Variants in GABRG3 observed in about 807,000 individuals in gnomAD.
GABRG3 encodes the protein gamma-aminobutyric acid type A receptor subunit gamma3, also known as gamma-aminobutyric acid receptor subunit gamma-3.
Under a neutral mutation model 48.8 loss-of-function variants are expected in GABRG3, and 25 were observed. That is an observed-to-expected ratio of 0.51 (90% confidence interval 0.37 to 0.72). The LOEUF (loss-of-function observed/expected upper bound fraction) is 0.72, where lower values mean the gene tolerates loss of function less well. GABRG3 is among the 30% of genes least tolerant of loss of function. The probability of loss-of-function intolerance (pLI) is 0.00; values close to 1 mark genes in which losing one functional copy is unlikely to be tolerated. For missense variants in GABRG3, 394 were observed against 577.9 expected, an observed-to-expected ratio of 0.68 and a Z score of 3.26; for synonymous variants, 227 against 217.6, an observed-to-expected ratio of 1.04 and a Z score of -0.38.
At chr15:27,153,942 A>T (rs1466359565) in intron 3 of GABRG3, among the ~76,000 whole-genome samples, 1 of 152,180 alleles carries the variant, frequency 6.6e-6, no homozygotes, top group Non-Finnish European at 1.5e-5. Context: ...TGTAAATTTT[A>T]GATGAAAGGA....
intron 5 of GABRG3, among the ~76,000 whole-genome samples, chr15:27,330,466 T>G (rs1893767062): frequency 6.6e-6 from 1 of 152,242 alleles, no homozygotes; most frequent in African/African-American, 2.4e-5. Flanking sequence ...AGCAGAGCTC[T>G]GCACACCATG....
At chr15:27,339,646 C>G (rs150387145) in intron 5 of GABRG3, among the ~76,000 whole-genome samples, 3 of 152,294 alleles carry the variant, frequency 2.0e-5, no homozygotes, top group Admixed American at 6.5e-5. Context: ...AACTGACCTC[C>G]TTACTTTGGT....
chr15:27,338,358 G>C (rs555009569), intron 5 of GABRG3, among the ~76,000 whole-genome samples: 2 of 152,218 alleles, frequency 1.3e-5, no homozygotes, highest in African/African-American at 4.8e-5. Context: ...CCCACCCCAG[G>C]CATTCTTTCC....
At chr15:27,205,361 T>A (rs1888818497) in intron 3 of GABRG3, among the ~76,000 whole-genome samples, 1 of 152,204 alleles carries the variant, frequency 6.6e-6, no homozygotes, top group South Asian at 2.1e-4. Flanking sequence ...TCACATTTAT[T>A]GATTTGCATA....
At chr15:27,051,869 GGA>G (rs1192861676) in intron 3 of GABRG3, among the ~76,000 whole-genome samples, 5 of 152,178 alleles carry the variant, frequency 3.3e-5, no homozygotes, top group Admixed American at 1.3e-4. Context: ...GGGGGTGATG[GGA>G]GACGTGACAG....
At chr15:27,516,672 G>C (rs981002942) in intron 6 of GABRG3, among the ~76,000 whole-genome samples, 1 of 152,190 alleles carries the variant, frequency 6.6e-6, no homozygotes, top group East Asian at 1.9e-4. Flanking sequence ...GAATCACTGA[G>C]AGCAAATAAA....
At chr15:27,181,747 G>A (rs1243149124) in intron 3 of GABRG3, among the ~76,000 whole-genome samples, 1 of 152,090 alleles carries the variant, frequency 6.6e-6, no homozygotes, top group Non-Finnish European at 1.5e-5. Context: ...AACAGCAGTG[G>A]ACAAAAGATC....
intron 2 of GABRG3, among the ~76,000 whole-genome samples, chr15:26,990,789 T>C (rs1460710407): frequency 6.7e-6 from 1 of 149,008 alleles, no homozygotes; most frequent in Non-Finnish European, 1.5e-5. Flanking sequence ...GATTGAAACC[T>C]TTAATCCATT....
chr15:27,077,902 C>A (rs142650719), intron 3 of GABRG3, among the ~76,000 whole-genome samples: 95 of 152,326 alleles, frequency 6.2e-4, no homozygotes, highest in African/African-American at 2.2e-3. Flanking sequence ...CAGCAAATAT[C>A]AGGGGAGCTA....
At chr15:26,988,490 C>T (rs1319094579) in intron 2 of GABRG3, among the ~76,000 whole-genome samples, 2 of 152,140 alleles carry the variant, frequency 1.3e-5, no homozygotes, top group East Asian at 1.9e-4. Context: ...ATGGTATATA[C>T]GTCTTTCCAT....
chr15:27,520,840 A>G (rs939059342), intron 7 of GABRG3, among the ~76,000 whole-genome samples: 3 of 150,054 alleles, frequency 2.0e-5, no homozygotes, highest in South Asian at 4.2e-4. Flanking sequence ...CTCAATTTCA[A>G]ATTTCTGCAA....
At chr15:27,532,018 C>T (rs1891434601) in intron 9 of GABRG3, among the ~76,000 whole-genome samples, 1 of 152,114 alleles carries the variant, frequency 6.6e-6, no homozygotes, top group African/African-American at 2.4e-5. Flanking sequence ...AGGATCCTCT[C>T]ATCATTCCTG....
intron 5 of GABRG3, among the ~76,000 whole-genome samples, chr15:27,350,948 CTG>C (rs1417932811): frequency 6.8e-6 from 1 of 146,406 alleles, no homozygotes; most frequent in African/African-American, 2.5e-5. Context: ...TGTGTGTATG[CTG>C]TGTGTGCATA....
At position 26,976,948 on chromosome 15, in the gene GABRG3, T is replaced by C. The variant is rs1385694992; in HGVS notation, c.54-54T>C. On this transcript the variant is annotated intron_variant, in intron 1 of 9. Coordinates refer to ENST00000615808, the MANE Select transcript of GABRG3 (RefSeq NM_033223.5). This position sits in a 1 kb window ranked among gnomAD's most constrained non-coding sequence, Gnocchi z 7.8. ...ACTTGGATAGGACAAACTTAGGCTC[T>C]TCCTAGAGCCATTGCTGCCACTTAT... 3.1e-6 allele frequency: 5 copies of C among 1,603,248 alleles called. No individual in the cohort carries two copies. Among genetic ancestry groups the C allele is most frequent in the Middle Eastern group, 1.7e-4 (1 of 6,024 alleles).
chr15:27,038,806 A>G (rs560587444), intron 3 of GABRG3, among the ~76,000 whole-genome samples: 15 of 152,156 alleles, frequency 9.9e-5, no homozygotes, highest in Non-Finnish European at 1.9e-4. Flanking sequence ...GTGACAGCAG[A>G]AGAGCTGGAG....
chr15:27,307,049 TTATA>T (rs1427419876), intron 3 of GABRG3, among the ~76,000 whole-genome samples: 7 of 125,262 alleles, frequency 5.6e-5, no homozygotes, highest in African/African-American at 2.3e-4. Flanking sequence ...ATAAACATGT[TTATA>T]TATAAACATG....
intron 5 of GABRG3, among the ~76,000 whole-genome samples, chr15:27,411,916 A>G (rs1011035553): frequency 6.6e-6 from 1 of 152,016 alleles, no homozygotes; most frequent in Non-Finnish European, 1.5e-5. Flanking sequence ...AAAATAAAAG[A>G]TTTTACTTTA....
chr15:27,471,150 G>C (rs1201384292), intron 5 of GABRG3, among the ~76,000 whole-genome samples: 1 of 152,136 alleles, frequency 6.6e-6, no homozygotes, highest in Non-Finnish European at 1.5e-5. Flanking sequence ...TTTAGGGGGT[G>C]GGGGCTAGGG....
At chr15:27,075,377 G>T (rs1218270035) in intron 3 of GABRG3, among the ~76,000 whole-genome samples, 1 of 152,174 alleles carries the variant, frequency 6.6e-6, no homozygotes, top group African/African-American at 2.4e-5. Context: ...GAAGGGAAAT[G>T]GAATCTTGGT....
Sources: gnomAD v4.1 joint callset for allele counts (sites outside exome capture counted in the v4.1 genomes callset) on GRCh38, gnomAD v4.1.1 for gene constraint, Gnocchi (gnomAD v3.1) non-coding constraint, MANE v1.5 for transcripts, NCBI Gene and HGNC (gene_info 2026-07-23, HGNC 2026-07-21) for gene names.